The following GAK variants were observed in gnomAD, a reference collection of about 807,000 sequenced individuals.
GAK encodes the protein cyclin-G-associated kinase.
In GAK, 79 loss-of-function variants were observed where a neutral mutation model predicts 143.9. That is an observed-to-expected ratio of 0.55 (90% CI 0.46 to 0.66). GAK has a LOEUF of 0.66. Among genes scored for constraint, GAK ranks in the 30% least tolerant of loss-of-function variants. The pLI, the probability that GAK is intolerant of heterozygous loss-of-function variation, is 0.00. For synonymous variants in GAK, 881 were observed against 765.5 expected, an observed-to-expected ratio of 1.15 and a Z score of -2.49; for missense variants, 1,693 against 1,779.7, an observed-to-expected ratio of 0.95 and a Z score of 0.88.
At chr4:925,627 G>C (rs1433212950) in intron 1 of GAK, among the ~76,000 whole-genome samples, 1 of 152,192 alleles carries the variant, frequency 6.6e-6, no homozygotes, top group East Asian at 1.9e-4. Context: ...ATGGTGTTAG[G>C]AGGTGGGGCC....
At chr4:872,744 C>G (rs983253065) in intron 18 of GAK, 2 of 152,560 alleles carry the variant, frequency 1.3e-5, no homozygotes, top group African/African-American at 4.8e-5. Context: ...TCGGCTCACC[C>G]AGCCTGGCGC....
chr4:931,489 T>C (rs1204676012), intron 1 of GAK, among the ~76,000 whole-genome samples: 1 of 123,818 alleles, frequency 8.1e-6, no homozygotes, highest in Non-Finnish European at 1.6e-5. Context: ...TCAAGTTCCC[T>C]GGACTGTAGA....
At chr4:868,449 C>T (rs1200703305) in intron 20 of GAK, 90 bp downstream of exon 20, 9 of 1,406,168 alleles carry the variant, frequency 6.4e-6, no homozygotes, top group Middle Eastern at 2.5e-4. Flanking sequence ...GCCGGAGGCC[C>T]GTCTCCCAAG....
rs1320164849 is a variant in GAK, at chr4:849,376, C to T, written c.*297G>A. 9 of 464,934 alleles carry T rather than the reference C, an allele frequency of 1.9e-5. No individual in the cohort carries two copies. The highest frequency in any genetic ancestry group is 3.6e-5 in the Non-Finnish European group (9 of 252,690). The allele number at this position is 464,934 out of a possible 1,614,324, so 28.8% of individuals were successfully genotyped here. ...CATGAGCGCCAGCAGCGTGGCCCACCACGTGCCGGGGCTCCAGAGGCCACG... is the reference window on the plus strand; with the variant it reads ...CATGAGCGCCAGCAGCGTGGCCCACTACGTGCCGGGGCTCCAGAGGCCACG... On this transcript the variant is annotated 3_prime_UTR_variant, in exon 28 of 28. Coordinates refer to ENST00000314167, the MANE Select transcript of GAK (RefSeq NM_005255.4).
intron 11 of GAK, chr4:884,426 C>A (rs537329062): frequency 7.2e-6 from 2 of 278,742 alleles, no homozygotes; most frequent in Non-Finnish European, 1.4e-5. Flanking sequence ...ATGGCAACAC[C>A]GGTGGAAGGG....
chr4:912,853 C>T (rs1010301611), intron 2 of GAK, 59 bp from the exon 3 acceptor site: 31 of 1,471,264 alleles, frequency 2.1e-5, no homozygotes, highest in Admixed American at 2.0e-4. Flanking sequence ...CTACTCCACC[C>T]GATGCATCAT....
At chr4:887,253 C>T (rs951381568) in intron 11 of GAK, 1 of 150,046 alleles carries the variant, frequency 6.7e-6, no homozygotes, top group Non-Finnish European at 1.5e-5. Flanking sequence ...TACACATGCA[C>T]GCGGCTCACG....
At chr4:856,852 G>A (rs922749553) in intron 24 of GAK, among the ~76,000 whole-genome samples, 6 of 152,212 alleles carry the variant, frequency 3.9e-5, no homozygotes, top group Admixed American at 6.5e-5. Context: ...CTGGGGTTAC[G>A]GTGTGAGCCA....
At chr4:892,909 C>T (rs1485075586) in intron 9 of GAK, among the ~76,000 whole-genome samples, 1 of 152,202 alleles carries the variant, frequency 6.6e-6, no homozygotes, top group Non-Finnish European at 1.5e-5. Flanking sequence ...AGCATGCCCC[C>T]GGGGTCTCGG....
Position 876,592 on chromosome 4 carries a change from C to T in GAK, c.1992G>A (p.Met664Ile). 1 of 1,614,188 alleles carries T rather than the reference C, an allele frequency of 6.2e-7. No homozygotes were observed. Among genetic ancestry groups the T allele is most frequent in the Non-Finnish European group, 8.5e-7 (1 of 1,180,024 alleles). Residue 664 changes from methionine (M) to isoleucine (I), a missense_variant, in exon 18 of 28, where the codon ATG (methionine) becomes ATA (isoleucine). Physicochemically the swap from Met to Ile is conservative, Grantham distance 10. This residue lies in a region of GAK where 871 missense variants were observed against 991.0 expected (regional missense o/e 0.88). Coordinates refer to ENST00000314167, the MANE Select transcript of GAK (RefSeq NM_005255.4). ...RLQAKMASMK[M>I]FQIQFHTGFV... The stretch of plus-strand genomic sequence containing the variant: ...ACCCCGTGTGGAACTGAATCTGGAA[C>T]ATCTTCATGGATGCCATCTGCAAAG...
intron 4 of GAK, among the ~76,000 whole-genome samples, chr4:907,282 C>A (rs1346285009): frequency 6.6e-6 from 1 of 152,216 alleles, no homozygotes; most frequent in Non-Finnish European, 1.5e-5. Context: ...CTCTGCCGGC[C>A]CTGGCCCTCA....
chr4:928,208 C>T (rs1476439692), intron 1 of GAK, among the ~76,000 whole-genome samples: 6 of 152,132 alleles, frequency 3.9e-5, no homozygotes, highest in African/African-American at 1.4e-4. Flanking sequence ...CAGGCACGCG[C>T]CACCATGCCC....
intron 1 of GAK, among the ~76,000 whole-genome samples, chr4:928,962 G>T (rs1231857663): frequency 6.6e-6 from 1 of 151,820 alleles, no homozygotes; most frequent in African/African-American, 2.4e-5. Flanking sequence ...GGGTTTCCCC[G>T]TGTTGCCCAG....
intron 24 of GAK, chr4:852,192 G>A: frequency 1.6e-6 from 1 of 609,072 alleles, no homozygotes; most frequent in Non-Finnish European, 2.9e-6. Flanking sequence ...GAACACTCTG[G>A]ATGGAGGGCA....
At chr4:905,143 A>C (rs982855585) in intron 4 of GAK, among the ~76,000 whole-genome samples, 1 of 152,198 alleles carries the variant, frequency 6.6e-6, no homozygotes, top group African/African-American at 2.4e-5. Context: ...CAAAGTGGCC[A>C]GTGGGAAACC....
chr4:861,214 G>A (rs761007842), intron 23 of GAK, among the ~76,000 whole-genome samples: 3 of 152,056 alleles, frequency 2.0e-5, no homozygotes, highest in African/African-American at 4.8e-5. Context: ...GCCTATAAGC[G>A]TTCAGGTGAA....
chr4:929,014 G>A lies in GAK; in HGVS notation c.145+3029C>T, dbSNP rs544977882. ...CGATCTCAGGTAATCCACCCGCCTCGGCCTCCCAAAGTGCTGGGATCACAG... is the reference window on the plus strand; with the variant it reads ...CGATCTCAGGTAATCCACCCGCCTCAGCCTCCCAAAGTGCTGGGATCACAG... On this transcript the variant is annotated intron_variant, in intron 1 of 27. Transcript: ENST00000314167. Among the ~76,000 whole-genome samples the A allele has an allele frequency of 2.6e-5, 4 of 152,270 alleles. No individual in the cohort carries two copies. In the South Asian group the frequency reaches 6.2e-4, roughly 24 times the overall value.
intron 19 of GAK, among the ~76,000 whole-genome samples, chr4:870,289 C>T (rs11726280): frequency 0.085 from 12,871 of 152,238 alleles, 760 homozygotes; most frequent in South Asian, 0.17. Flanking sequence ...GCTGCCGTTT[C>T]GAAACTGCTC....
chr4:865,252 G>T lies in GAK; in HGVS notation c.3044-8C>A. The stretch of plus-strand genomic sequence containing the variant: ...GCTCTCCTGGCAGATCCCCTGGGAA[G>T]AAGGAACCAGAAGAGAGCACAGTTT... On this transcript the variant is annotated splice_polypyrimidine_tract_variant and splice_region_variant and intron_variant, in intron 22 of 27. Coordinates refer to ENST00000314167, the MANE Select transcript of GAK (RefSeq NM_005255.4). 1 of 1,613,096 alleles carries T rather than the reference G, an allele frequency of 6.2e-7. No homozygotes were observed. The highest frequency in any genetic ancestry group is 1.1e-5 in the South Asian group (1 of 91,022).
Sources: allele counts gnomAD v4.1 joint callset (sites outside exome capture counted in the v4.1 genomes callset), GRCh38; gene constraint gnomAD v4.1.1; regional missense constraint gnomAD v4.1.1; transcripts MANE v1.5; gene names NCBI Gene and HGNC (gene_info 2026-07-23, HGNC 2026-07-21).